Variants in WDR17 observed in about 807,000 individuals in gnomAD.
The protein encoded by WDR17 is WD repeat-containing protein 17.
A neutral mutation model predicts 161.7 loss-of-function variants in WDR17; 143 were observed. That is an observed-to-expected ratio of 0.88 (90% CI 0.77 to 1.02). The LOEUF (loss-of-function observed/expected upper bound fraction) is 1.02. Among genes scored for constraint, WDR17 ranks in the 50% least tolerant of loss-of-function variants. The pLI is 0.00. For synonymous variants in WDR17, 517 were observed against 515.6 expected (o/e 1.00, Z -0.04); for missense variants, 1,469 against 1,520.9 (o/e 0.97, Z 0.57).
intron 1 of WDR17, among the ~76,000 whole-genome samples, chr4:176,078,181 A>G (rs1734289080): frequency 6.6e-6 from 1 of 152,012 alleles, no homozygotes; most frequent in South Asian, 2.1e-4. Flanking sequence ...TTTGCCTACT[A>G]ATGGATAGTG....
intron 1 of WDR17, among the ~76,000 whole-genome samples, chr4:176,107,946 AT>A (rs917609763): frequency 5.5e-5 from 4 of 72,508 alleles, no homozygotes; most frequent in Admixed American, 1.5e-4. Context: ...TTCCTTCCTT[AT>A]TTTTTTCCCT....
chr4:176,108,839 G>C (rs1739241467), intron 1 of WDR17, among the ~76,000 whole-genome samples: 1 of 152,104 alleles, frequency 6.6e-6, no homozygotes, highest in African/African-American at 2.4e-5. Flanking sequence ...TCCCAGGCTA[G>C]AGTGCAGTGG....
At chr4:176,137,418 G>T (rs779662831) in intron 8 of WDR17, 102 bp from the exon 9 acceptor site, 11 of 830,504 alleles carry the variant, frequency 1.3e-5, no homozygotes, top group Non-Finnish European at 1.9e-5. Context: ...TAAAGAACTA[G>T]TCTGCAAATC....
chr4:176,131,766 A>C lies in WDR17; in HGVS notation c.1098+28A>C, dbSNP rs1579137524. The C allele has an allele frequency of 1.1e-5, 16 of 1,495,960 alleles. No individual in the cohort carries two copies. In the East Asian group the frequency reaches 3.9e-4, roughly 36 times the overall value. 92.7% of individuals were successfully genotyped at this position (1,495,960 alleles called of 1,614,324 possible). On this transcript the variant is annotated intron_variant, in intron 7 of 28. Coordinates refer to ENST00000508596, the MANE Select transcript of WDR17 (RefSeq NM_181265.4). Reference sequence around the variant, plus strand: ...ATGTATGTAGTCATTCCTTTATTATACATAATAGTTTTTTGTGTAAACCCA... The same window carrying C: ...ATGTATGTAGTCATTCCTTTATTATCCATAATAGTTTTTTGTGTAAACCCA...
chr4:176,139,385 A>G (rs538557743), intron 9 of WDR17, among the ~76,000 whole-genome samples: 7 of 152,044 alleles, frequency 4.6e-5, no homozygotes, highest in African/African-American at 1.7e-4. Flanking sequence ...TCAAGCAAAT[A>G]TAAAGTGATT....
intron 10 of WDR17, 141 bp from the exon 11 acceptor site, chr4:176,141,842 C>A: frequency 1.6e-6 from 1 of 636,946 alleles, no homozygotes; most frequent in African/African-American, 1.8e-5. Context: ...TTATACAGTA[C>A]TTTCAAATGT....
At chr4:176,093,694 G>A (rs1295901900) in intron 1 of WDR17, among the ~76,000 whole-genome samples, 5 of 151,944 alleles carry the variant, frequency 3.3e-5, no homozygotes, top group Admixed American at 3.3e-4. Context: ...AGTTACTGCT[G>A]AGTGATCATG....
chr4:176,175,761 A>G (rs961279583), intron 26 of WDR17, among the ~76,000 whole-genome samples: 3 of 151,974 alleles, frequency 2.0e-5, no homozygotes, highest in Admixed American at 6.6e-5. Flanking sequence ...GGGTTTCACC[A>G]TGTTAGCCAG....
chr4:176,164,116 A>G (rs1242561391), intron 22 of WDR17, among the ~76,000 whole-genome samples: 1 of 152,184 alleles, frequency 6.6e-6, no homozygotes, highest in Non-Finnish European at 1.5e-5. Flanking sequence ...AATAATAAAT[A>G]CTAATTAACA....
intron 22 of WDR17, 29 bp downstream of exon 22, chr4:176,163,322 T>G (rs1749320023): frequency 6.3e-6 from 10 of 1,580,902 alleles, no homozygotes; most frequent in Non-Finnish European, 7.7e-6. Context: ...AAAGAATAAT[T>G]TCATAGTGAT....
chr4:176,113,242 G>C (rs1740065089), intron 2 of WDR17, among the ~76,000 whole-genome samples: 1 of 151,776 alleles, frequency 6.6e-6, no homozygotes, highest in African/African-American at 2.4e-5. Flanking sequence ...TCCTTATCTT[G>C]TCTTTTATTT....
At chr4:176,082,365 G>A (rs977612658) in intron 1 of WDR17, among the ~76,000 whole-genome samples, 1 of 152,036 alleles carries the variant, frequency 6.6e-6, no homozygotes, top group Admixed American at 6.6e-5. Flanking sequence ...GACAAGAAAT[G>A]AAGAAGGCTG....
intron 5 of WDR17, among the ~76,000 whole-genome samples, chr4:176,127,334 C>G (rs976940164): frequency 2.6e-5 from 4 of 151,550 alleles, no homozygotes; most frequent in African/African-American, 9.7e-5. Context: ...GCTCTGTCAC[C>G]CAGGCTGGAG....
intron 1 of WDR17, among the ~76,000 whole-genome samples, chr4:176,097,977 C>G (rs1463012396): frequency 1.3e-5 from 2 of 151,840 alleles, no homozygotes; most frequent in African/African-American, 4.8e-5. Context: ...AAAAGTGTAG[C>G]TGTTGTTAAA....
At chr4:176,071,403 A>G (rs1416698697) in intron 1 of WDR17, among the ~76,000 whole-genome samples, 2 of 150,436 alleles carry the variant, frequency 1.3e-5, no homozygotes, top group Non-Finnish European at 3.0e-5. Flanking sequence ...GCTCACTGCA[A>G]CCTCCAGCTC....
chr4:176,088,403 AG>A (rs1425746644), intron 1 of WDR17, among the ~76,000 whole-genome samples: 4 of 152,140 alleles, frequency 2.6e-5, no homozygotes, highest in Non-Finnish European at 5.9e-5. Context: ...TGGGCAACAT[AG>A]TGAGACCCTA....
rs1749096351 is a variant in WDR17 at position 176,161,993 on chromosome 4, A to G, written c.2751-82A>G. On this transcript the variant is annotated intron_variant, in intron 20 of 28. Coordinates refer to ENST00000508596, the MANE Select transcript of WDR17 (RefSeq NM_181265.4). ...AAATTAAATTTTATTTGGTCTTTTT[A>G]TCATACCTTTTAAAAAGTATTAGTT... is the stretch of plus-strand genomic sequence containing the variant. 11 of 1,208,222 alleles carry G rather than the reference A, an allele frequency of 9.1e-6. No homozygotes were observed. The East Asian group carries it at 2.8e-4, about 31-fold the overall frequency. The allele number at this position is 1,208,222 out of a possible 1,614,324, so 74.8% of individuals were successfully genotyped here. A position where few individuals can be genotyped will look rare whatever the true frequency, so the allele number is the denominator to read the frequency against.
chr4:176,144,355 C>T (rs1745820384), intron 11 of WDR17, among the ~76,000 whole-genome samples: 2 of 152,116 alleles, frequency 1.3e-5, no homozygotes, highest in African/African-American at 2.4e-5. Context: ...CCTATGAGAT[C>T]GCCAACTACG....
intron 2 of WDR17, among the ~76,000 whole-genome samples, chr4:176,113,388 T>G (rs972987402): frequency 6.6e-6 from 1 of 152,112 alleles, no homozygotes; most frequent in African/African-American, 2.4e-5. Context: ...TGACATTTTA[T>G]GATGAATATT....
Sources: gnomAD v4.1 joint callset for allele counts (sites outside exome capture counted in the v4.1 genomes callset) on GRCh38, gnomAD v4.1.1 for gene constraint, MANE v1.5 for transcripts, NCBI Gene and HGNC (gene_info 2026-07-23, HGNC 2026-07-21) for gene names.